The following SPECC1 variants were observed in gnomAD, a reference collection of about 807,000 sequenced individuals.
The protein encoded by SPECC1 is cytospin-B.
Under a neutral mutation model 104.1 loss-of-function variants are expected in SPECC1, and 62 were observed. The observed-to-expected ratio is 0.60, with a 90% CI of 0.49 to 0.74. The LOEUF is 0.74. Among genes scored for constraint, SPECC1 ranks in the 30% least tolerant of loss-of-function variants. The probability of loss-of-function intolerance (pLI) is 0.00; values close to 1 mark genes in which losing one functional copy is unlikely to be tolerated. For synonymous variants in SPECC1, 513 were observed against 501.6 expected (o/e 1.02, Z -0.30); for missense variants, 1,306 against 1,310.5 (o/e 1.00, Z 0.05).
At chr17:20,249,513 C>T (rs570977967) in intron 9 of SPECC1, among the ~76,000 whole-genome samples, 6 of 151,976 alleles carry the variant, frequency 3.9e-5, no homozygotes, top group East Asian at 3.8e-4. Flanking sequence ...GAAACAGACA[C>T]GGAAGATTCA....
chr17:20,077,108 A>T (rs971129267), intron 1 of SPECC1, among the ~76,000 whole-genome samples: 4 of 152,156 alleles, frequency 2.6e-5, no homozygotes, highest in Non-Finnish European at 5.9e-5. Context: ...TAAAATTTTT[A>T]AAAAACATGC....
intron 3 of SPECC1, among the ~76,000 whole-genome samples, chr17:20,117,086 C>T (rs1185130805): frequency 1.3e-5 from 2 of 151,718 alleles, no homozygotes; most frequent in Non-Finnish European, 2.9e-5. Flanking sequence ...CTCAGTGGAA[C>T]GGTGGACAAA....
At chr17:20,214,836 A>G (rs921325891) in intron 4 of SPECC1, among the ~76,000 whole-genome samples, 3 of 152,186 alleles carry the variant, frequency 2.0e-5, no homozygotes, top group Non-Finnish European at 2.9e-5. Flanking sequence ...TTAGATGTGT[A>G]GAAGGGAGGC....
At chr17:20,137,168 A>G (rs920143724) in intron 3 of SPECC1, among the ~76,000 whole-genome samples, 5 of 152,158 alleles carry the variant, frequency 3.3e-5, no homozygotes, top group African/African-American at 1.2e-4. Context: ...CAGTTTCTAT[A>G]TATGCCCTCA....
chr17:20,034,890 C>T (rs2044999082), intron 1 of SPECC1, among the ~76,000 whole-genome samples: 1 of 152,164 alleles, frequency 6.6e-6, no homozygotes, highest in Admixed American at 6.5e-5. Context: ...CGAGCGTGAG[C>T]CACCGTGCGT....
At chr17:20,150,181 C>A (rs1452271260) in intron 3 of SPECC1, among the ~76,000 whole-genome samples, 1 of 151,590 alleles carries the variant, frequency 6.6e-6, no homozygotes, top group African/African-American at 2.4e-5. Context: ...GACAGGGTTT[C>A]ACCGTTTTAG....
At chr17:20,198,528 C>T (rs187990788) in intron 3 of SPECC1, among the ~76,000 whole-genome samples, 2 of 152,364 alleles carry the variant, frequency 1.3e-5, no homozygotes, top group East Asian at 1.9e-4. Context: ...ATACCTGACT[C>T]TGTCACCCAC....
intron 3 of SPECC1, among the ~76,000 whole-genome samples, chr17:20,178,828 G>A (rs192085513): frequency 2.0e-4 from 31 of 152,342 alleles, no homozygotes; most frequent in Non-Finnish European, 4.3e-4. Context: ...TGAATAAAAT[G>A]TTAGACTTCA....
chr17:20,167,730 A>G (rs1014281318), intron 3 of SPECC1, among the ~76,000 whole-genome samples: 2 of 152,196 alleles, frequency 1.3e-5, no homozygotes, highest in Non-Finnish European at 2.9e-5. Flanking sequence ...AGATGGTGTT[A>G]TAGGTAAAGT....
At position 20,013,097 on chromosome 17, in the gene SPECC1, A is replaced by G. The variant is rs192927866; in HGVS notation, c.-22+3673A>G. 2.0e-3 allele frequency among the ~76,000 whole-genome samples: 301 copies of G among 152,284 alleles called. 1 individual carries two copies. Among genetic ancestry groups the G allele is most frequent in the African/African-American group, 6.6e-3 (274 of 41,554 alleles). ...TATACACCACATTTTGCTTATCCAT[A>G]TATTTATCAAAGGATATTTATGTTG... On this transcript the variant is annotated intron_variant, in intron 1 of 14. Coordinates refer to ENST00000395527, the MANE Select transcript of SPECC1 (RefSeq NM_001243439.2).
intron 12 of SPECC1, among the ~76,000 whole-genome samples, chr17:20,282,347 G>A (rs144257545): frequency 3.9e-5 from 6 of 152,192 alleles, no homozygotes; most frequent in Admixed American, 1.3e-4. Context: ...AGGGAAGGGC[G>A]CTGCTTCCTG....
chr17:20,097,717 T>C (rs536084630), intron 2 of SPECC1, among the ~76,000 whole-genome samples: 11 of 152,312 alleles, frequency 7.2e-5, no homozygotes, highest in African/African-American at 2.6e-4. Flanking sequence ...AAGACACTCT[T>C]AGAGCTAGGC....
chr17:20,272,280 T>C (rs2151637194), intron 12 of SPECC1, among the ~76,000 whole-genome samples: 1 of 152,308 alleles, frequency 6.6e-6, no homozygotes, highest in East Asian at 1.9e-4. Context: ...TACAGTTTTG[T>C]TTTCTGGGAG....
intron 2 of SPECC1, 55 bp from the exon 3 acceptor site, chr17:20,110,372 G>C (rs1474885085): frequency 5.2e-6 from 8 of 1,551,802 alleles, no homozygotes; most frequent in Admixed American, 1.8e-5. Context: ...TGTTTATAGC[G>C]CTCCTTCCTG....
intron 3 of SPECC1, among the ~76,000 whole-genome samples, chr17:20,152,651 CTTTT>C (rs1326011221): frequency 6.6e-6 from 1 of 152,086 alleles, no homozygotes; most frequent in Non-Finnish European, 1.5e-5. Flanking sequence ...TCTTCCTCTT[CTTTT>C]TTTATTTTTA....
At chr17:20,148,885 A>G (rs1396701731) in intron 3 of SPECC1, among the ~76,000 whole-genome samples, 1 of 151,512 alleles carries the variant, frequency 6.6e-6, no homozygotes, top group Non-Finnish European at 1.5e-5. Context: ...GCGCCCAGCT[A>G]TTGTTTTGTA....
intron 11 of SPECC1, 74 bp downstream of exon 11, chr17:20,257,681 C>T: frequency 6.4e-7 from 1 of 1,555,518 alleles, no homozygotes; most frequent in Non-Finnish European, 8.7e-7. Context: ...TCCGTTTTGT[C>T]CCCGTGGCCA....
chr17:20,282,765 A>G (rs2040818270), intron 12 of SPECC1, among the ~76,000 whole-genome samples: 1 of 152,228 alleles, frequency 6.6e-6, no homozygotes, highest in Non-Finnish European at 1.5e-5. Context: ...CAGAATAGTA[A>G]TGACACTGAC....
At chr17:20,270,783 A>G (rs939424703) in intron 12 of SPECC1, among the ~76,000 whole-genome samples, 1 of 152,176 alleles carries the variant, frequency 6.6e-6, no homozygotes, top group African/African-American at 2.4e-5. Context: ...ATTTTAATAT[A>G]TATTCTCAAA....
Sources: gnomAD v4.1 joint callset for allele counts (sites outside exome capture counted in the v4.1 genomes callset) on GRCh38, gnomAD v4.1.1 for gene constraint, MANE v1.5 for transcripts, NCBI Gene and HGNC (gene_info 2026-07-23, HGNC 2026-07-21) for gene names.